Variants in YAF2 observed in about 807,000 individuals in gnomAD.
YAF2 encodes YY1-associated factor 2.
A neutral mutation model predicts 20.1 loss-of-function variants in YAF2; 7 were observed. That is an observed-to-expected ratio of 0.35 (90% CI 0.20 to 0.65). The LOEUF is 0.65. YAF2 is among the 30% of genes least tolerant of loss of function. YAF2 has a pLI of 0.69. For synonymous variants in YAF2, 74 were observed against 76.0 expected (o/e 0.97, Z 0.14); for missense variants, 151 against 219.2 (o/e 0.69, Z 1.96).
intron 2 of YAF2, among the ~76,000 whole-genome samples, chr12:42,215,682 G>A (rs927511171): frequency 9.2e-5 from 14 of 152,148 alleles, no homozygotes; most frequent in African/African-American, 3.1e-4. Context: ...CAGCACTTTG[G>A]GAGGCTGAGG....
At chr12:42,171,336 G>A (rs746426639) in intron 2 of YAF2, among the ~76,000 whole-genome samples, 12 of 151,968 alleles carry the variant, frequency 7.9e-5, no homozygotes, top group Non-Finnish European at 1.8e-4. Flanking sequence ...AGTAGGTAAT[G>A]TACTATCCAG....
intron 2 of YAF2, among the ~76,000 whole-genome samples, chr12:42,190,289 A>G (rs1392116037): frequency 6.6e-6 from 1 of 152,170 alleles, no homozygotes; most frequent in Non-Finnish European, 1.5e-5. Flanking sequence ...AGGTGCAGTG[A>G]GCTGTGACAG....
chr12:42,168,195 T>G (rs1422029239), intron 2 of YAF2, among the ~76,000 whole-genome samples: 1 of 147,000 alleles, frequency 6.8e-6, no homozygotes, highest in Non-Finnish European at 1.5e-5. Flanking sequence ...TTTTTTTTTT[T>G]GAAATGGAGC....
intron 2 of YAF2, among the ~76,000 whole-genome samples, chr12:42,194,931 G>C (rs576002823): frequency 6.6e-6 from 1 of 152,322 alleles, no homozygotes; most frequent in Admixed American, 6.5e-5. Flanking sequence ...ATCACGCCTA[G>C]CTTACTGACA....
chr12:42,212,409 TA>T (rs1333294910), intron 2 of YAF2: 1 of 436,440 alleles, frequency 2.3e-6, no homozygotes, highest in Non-Finnish European at 4.5e-6. Flanking sequence ...AGATATATTT[TA>T]ATACCCTTTA....
chr12:42,171,894 G>T (rs2066060066), intron 2 of YAF2, among the ~76,000 whole-genome samples: 1 of 152,132 alleles, frequency 6.6e-6, no homozygotes, highest in South Asian at 2.1e-4. Context: ...AACCTGGGAG[G>T]TTGAGGCTGC....
intron 2 of YAF2, chr12:42,234,834 G>GA (rs2137443398): frequency 1.3e-6 from 1 of 742,612 alleles, no homozygotes; most frequent in African/African-American, 1.9e-5. Context: ...CAAAAAATAA[G>GA]AAAATTAGCC....
chr12:42,159,769 A>C lies in YAF2; in HGVS notation c.*820T>G, dbSNP rs545613685. The C allele has an allele frequency of 5.0e-4, 76 of 152,604 alleles. 2 individuals carry two copies. The highest frequency in any genetic ancestry group is 1.8e-3 in the African/African-American group (75 of 41,554). The allele number at this position is 152,604 out of a possible 1,614,324, so 9.5% of individuals were successfully genotyped here. A position where few individuals can be genotyped will look rare whatever the true frequency, so the allele number is the denominator to read the frequency against. ...AAATTGCAGCTTGTAAAATATGGCA[A>C]GTTTCTTTTCTCTTGTTTTTGCCAA... On this transcript the variant is annotated 3_prime_UTR_variant, in exon 4 of 4. Transcript: ENST00000534854.
intron 2 of YAF2, among the ~76,000 whole-genome samples, chr12:42,195,190 C>T (rs2066718785): frequency 6.6e-6 from 1 of 152,116 alleles, no homozygotes; most frequent in African/African-American, 2.4e-5. Flanking sequence ...GGCTAGATGT[C>T]CAAGTTCTCT....
At chr12:42,176,611 A>T (rs997660864) in intron 2 of YAF2, among the ~76,000 whole-genome samples, 3 of 152,080 alleles carry the variant, frequency 2.0e-5, no homozygotes, top group Non-Finnish European at 4.4e-5. Flanking sequence ...CCTTCAAAAT[A>T]AGTCTAAAAT....
intron 2 of YAF2, among the ~76,000 whole-genome samples, chr12:42,174,138 C>T (rs2066122627): frequency 1.3e-5 from 2 of 151,940 alleles, no homozygotes; most frequent in Admixed American, 1.3e-4. Context: ...GTCTACATCC[C>T]TGTCTAGCCA....
Position 42,158,848 on chromosome 12 carries a change from T to C in YAF2, c.*1741A>G, listed in dbSNP as rs1212239900. On this transcript the variant is annotated 3_prime_UTR_variant, in exon 4 of 4. Coordinates refer to ENST00000534854, the MANE Select transcript of YAF2 (RefSeq NM_005748.6). ...AGTTTTTGACTTAAAAATTAAATAT[T>C]TTCCCTATTACATTTTTAAATTTTT... is the stretch of plus-strand genomic sequence containing the variant. The C allele has an allele frequency of 1.3e-5, 2 of 152,192 alleles. No homozygotes were observed. The highest frequency in any genetic ancestry group is 3.8e-4 in the East Asian group (2 of 5,204). 9.4% of individuals were successfully genotyped at this position (152,192 alleles called of 1,614,324 possible).
chr12:42,189,521 C>G (rs1382427239), intron 2 of YAF2, among the ~76,000 whole-genome samples: 1 of 152,104 alleles, frequency 6.6e-6, no homozygotes, highest in Non-Finnish European at 1.5e-5. Flanking sequence ...CATTAGGGGC[C>G]TGAGAGCATG....
At chr12:42,194,925 C>T (rs1481871449) in intron 2 of YAF2, among the ~76,000 whole-genome samples, 4 of 152,186 alleles carry the variant, frequency 2.6e-5, no homozygotes, top group African/African-American at 7.2e-5. Context: ...GAGATGATCA[C>T]GCCTAGCTTA....
At chr12:42,213,818 G>A (rs1443994184) in intron 2 of YAF2, among the ~76,000 whole-genome samples, 1 of 152,222 alleles carries the variant, frequency 6.6e-6, no homozygotes, top group East Asian at 1.9e-4. Context: ...CAAGGTATTA[G>A]TAACAGTAAG....
At chr12:42,165,884 A>ATATCTATCTATCTATCTATC (rs548540208) in intron 2 of YAF2, among the ~76,000 whole-genome samples, 13 of 146,924 alleles carry the variant, frequency 8.8e-5, no homozygotes, top group African/African-American at 2.8e-4. Flanking sequence ...AATTCTATCT[A>ATATCTATCTATCTATCTATC]TATCTATCTA....
At chr12:42,185,460 G>T (rs1274740138) in intron 2 of YAF2, among the ~76,000 whole-genome samples, 1 of 152,232 alleles carries the variant, frequency 6.6e-6, no homozygotes, top group East Asian at 1.9e-4. Flanking sequence ...AAGAAGTTTT[G>T]CTGTGAGTAA....
At chr12:42,221,874 A>C (rs1212467617) in intron 2 of YAF2, among the ~76,000 whole-genome samples, 1 of 152,198 alleles carries the variant, frequency 6.6e-6, no homozygotes, top group African/African-American at 2.4e-5. Context: ...CAATCTCTCA[A>C]GATCTTCCCT....
In YAF2 at chr12:42,158,398, G is replaced by T. The variant is rs1055315190; in HGVS notation, c.*2191C>A. On this transcript the variant is annotated 3_prime_UTR_variant, in exon 4 of 4. Transcript: ENST00000534854. The stretch of plus-strand genomic sequence containing the variant: ...AATAACTGTTACAAAAAATATTTTT[G>T]TATTTTTGTAATGGGATTTTACCTA... 6.6e-6 allele frequency: 1 copy of T among 151,972 alleles called. No individual in the cohort carries two copies. Among genetic ancestry groups the T allele is most frequent in the East Asian group, 1.9e-4 (1 of 5,178 alleles). 9.4% of individuals were successfully genotyped at this position (151,972 alleles called of 1,614,324 possible). A position where few individuals can be genotyped will look rare whatever the true frequency, so the allele number is the denominator to read the frequency against.
Sources: allele counts gnomAD v4.1 joint callset (sites outside exome capture counted in the v4.1 genomes callset), GRCh38; gene constraint gnomAD v4.1.1; transcripts MANE v1.5; gene names NCBI Gene and HGNC (gene_info 2026-07-23, HGNC 2026-07-21).